The following DPP10 variants were observed in gnomAD, a reference collection of about 807,000 sequenced individuals.
DPP10 encodes dipeptidyl peptidase like 10.
DPP10 carries 33 observed loss-of-function variants against 120.9 expected under a neutral mutation model. That is an observed-to-expected ratio of 0.27 (90% CI 0.21 to 0.37). The LOEUF (loss-of-function observed/expected upper bound fraction) is 0.37. Among genes scored for constraint, DPP10 ranks in the 10% least tolerant of loss-of-function variants. The probability of loss-of-function intolerance (pLI) is 1.00; values close to 1 mark genes in which losing one functional copy is unlikely to be tolerated. For synonymous variants in DPP10, 337 were observed against 326.1 expected (o/e 1.03, Z -0.36); for missense variants, 816 against 942.8 (o/e 0.87, Z 1.76).
chr2:115,369,445 G>C (rs1359149642), intron 3 of DPP10, among the ~76,000 whole-genome samples: 2 of 152,002 alleles, frequency 1.3e-5, no homozygotes, highest in Non-Finnish European at 2.9e-5. Flanking sequence ...TTGTAGTTAT[G>C]ATTACTTAAA....
At chr2:115,755,811 G>A (rs1679316590) in intron 11 of DPP10, among the ~76,000 whole-genome samples, 2 of 151,932 alleles carry the variant, frequency 1.3e-5, no homozygotes, top group Admixed American at 6.6e-5. Flanking sequence ...GTTTACTGCA[G>A]CTGTGCTCAT....
At chr2:114,769,716 C>T (rs1368489304) in intron 1 of DPP10, among the ~76,000 whole-genome samples, 1 of 152,104 alleles carries the variant, frequency 6.6e-6, no homozygotes, top group East Asian at 1.9e-4. Flanking sequence ...TGTAAAAGAA[C>T]ATATATTCCT....
intron 3 of DPP10, among the ~76,000 whole-genome samples, chr2:115,433,122 T>C (rs1559598524): frequency 6.6e-6 from 1 of 152,074 alleles, no homozygotes; most frequent in African/African-American, 2.4e-5. Flanking sequence ...TTAACAGTCA[T>C]AGCTAGAGAA....
At chr2:115,593,161 G>T (rs1365911549) in intron 5 of DPP10, among the ~76,000 whole-genome samples, 2 of 152,156 alleles carry the variant, frequency 1.3e-5, no homozygotes, top group Admixed American at 6.5e-5. Context: ...TATCAGTTCA[G>T]TTAAACAATT....
chr2:114,909,339 T>A (rs1041640106), intron 1 of DPP10, among the ~76,000 whole-genome samples: 3 of 152,006 alleles, frequency 2.0e-5, no homozygotes, highest in Non-Finnish European at 4.4e-5. Context: ...ATAAAATGTA[T>A]AAATAATTCT....
intron 1 of DPP10, among the ~76,000 whole-genome samples, chr2:114,726,825 T>C (rs1292515830): frequency 1.3e-5 from 2 of 152,204 alleles, no homozygotes; most frequent in East Asian, 1.9e-4. Flanking sequence ...GAATATTTCA[T>C]AGAAAGTTGT....
chr2:114,819,118 G>T (rs1345109519), intron 1 of DPP10, among the ~76,000 whole-genome samples: 1 of 151,026 alleles, frequency 6.6e-6, no homozygotes, highest in Non-Finnish European at 1.5e-5. Context: ...TAATACCAAA[G>T]TATTTATCAT....
chr2:115,613,353 T>C (rs1558925871), intron 5 of DPP10, among the ~76,000 whole-genome samples: 1 of 152,210 alleles, frequency 6.6e-6, no homozygotes, highest in Admixed American at 6.5e-5. Context: ...GCATAAAGTA[T>C]TAGTGTTTCC....
At chr2:114,775,774 A>G (rs1681672118) in intron 1 of DPP10, among the ~76,000 whole-genome samples, 2 of 152,210 alleles carry the variant, frequency 1.3e-5, no homozygotes, top group East Asian at 3.8e-4. Context: ...ATAGTCAAGA[A>G]GTGTCTTATT....
At chr2:115,429,263 G>A (rs960324634) in intron 3 of DPP10, among the ~76,000 whole-genome samples, 13 of 151,516 alleles carry the variant, frequency 8.6e-5, no homozygotes, top group African/African-American at 2.9e-4. Context: ...ACGTGCATCT[G>A]CTTTTCTTAT....
chr2:114,671,492 C>T (rs577566569), intron 1 of DPP10, among the ~76,000 whole-genome samples: 3 of 152,214 alleles, frequency 2.0e-5, no homozygotes, highest in Non-Finnish European at 2.9e-5. Context: ...TCATGTACAA[C>T]CTGCAGAACC....
intron 1 of DPP10, among the ~76,000 whole-genome samples, chr2:115,138,020 G>A (rs999252611): frequency 1.3e-5 from 2 of 152,112 alleles, no homozygotes; most frequent in African/African-American, 4.8e-5. Context: ...AAAGAGGCAC[G>A]GGGATGCATA....
At chr2:115,728,444 G>T (rs1192107754) in intron 8 of DPP10, among the ~76,000 whole-genome samples, 1 of 151,974 alleles carries the variant, frequency 6.6e-6, no homozygotes. Flanking sequence ...TTTAGTAATA[G>T]CTGAGAATAT....
intron 1 of DPP10, among the ~76,000 whole-genome samples, chr2:115,303,843 G>A (rs777307779): frequency 4.6e-5 from 7 of 151,832 alleles, no homozygotes; most frequent in Non-Finnish European, 8.8e-5. Context: ...AATTTAAATT[G>A]AATTTCTATA....
chr2:114,885,910 A>G (rs1692029570), intron 1 of DPP10, among the ~76,000 whole-genome samples: 1 of 152,210 alleles, frequency 6.6e-6, no homozygotes, highest in East Asian at 1.9e-4. Context: ...TGAATAATAG[A>G]GACGATAATT....
At chr2:114,993,683 A>G (rs1700901348) in intron 1 of DPP10, among the ~76,000 whole-genome samples, 1 of 150,774 alleles carries the variant, frequency 6.6e-6, no homozygotes, top group Non-Finnish European at 1.5e-5. Flanking sequence ...AAATTTACAG[A>G]GCGTGCATAT....
chr2:114,516,350 T>C (rs886352083), intron 1 of DPP10, among the ~76,000 whole-genome samples: 2 of 152,194 alleles, frequency 1.3e-5, no homozygotes, highest in Non-Finnish European at 2.9e-5. Flanking sequence ...AAGGCTTTTT[T>C]CCATCCCCCT....
At chr2:114,475,427 A>T (rs1167358622) in intron 1 of DPP10, among the ~76,000 whole-genome samples, 2 of 152,104 alleles carry the variant, frequency 1.3e-5, no homozygotes, top group Non-Finnish European at 2.9e-5. Context: ...ATTTTGCAAA[A>T]ATGCTTTTCA....
intron 3 of DPP10, among the ~76,000 whole-genome samples, chr2:115,379,546 A>G (rs1245011337): frequency 1.3e-5 from 2 of 151,522 alleles, no homozygotes; most frequent in Admixed American, 6.6e-5. Context: ...TTGTGTCTCT[A>G]TTTCCTTCAG....
Sources: gnomAD v4.1 joint callset for allele counts (sites outside exome capture counted in the v4.1 genomes callset) on GRCh38, gnomAD v4.1.1 for gene constraint, MANE v1.5 for transcripts, NCBI Gene and HGNC (gene_info 2026-07-23, HGNC 2026-07-21) for gene names.